Variants in INSRR observed in about 807,000 individuals in gnomAD.
INSRR encodes the protein insulin receptor related receptor.
In INSRR, 114 loss-of-function variants were observed where a neutral mutation model predicts 130.0. That is an observed-to-expected ratio of 0.88 (90% CI 0.75 to 1.02). The LOEUF is 1.02. INSRR is among the 50% of genes least tolerant of loss of function. INSRR has a pLI of 0.00. For synonymous variants in INSRR, 674 were observed against 705.2 expected, an observed-to-expected ratio of 0.96 and a Z score of 0.70; for missense variants, 1,657 against 1,735.2, an observed-to-expected ratio of 0.95 and a Z score of 0.80.
At position 156,844,843 on chromosome 1, in the gene INSRR, C is replaced by T; in HGVS notation, c.2438G>A (p.Arg813Lys). The change falls in exon 13 of 22, where the codon AGA becomes AAA. Residue 813 changes from arginine to lysine, a missense_variant and splice_region_variant. Transcript: ENST00000368195. ...CTTTCCTGGAATACCATCAGCCTCT[C>T]CTGCGGGAAGGGGCATCCAGCAGCC... ...TFVFARTMPH[R>K]EADGIPGKVA... 3 of 1,613,894 alleles carry T rather than the reference C, an allele frequency of 1.9e-6. No individual in the cohort carries two copies. The highest frequency in any genetic ancestry group is 8.5e-7 in the Non-Finnish European group (1 of 1,179,918).
Position 156,852,029 on chromosome 1 carries a change from T to C in INSRR, c.800A>G (p.Tyr267Cys). The C allele has an allele frequency of 6.2e-7, 1 of 1,613,474 alleles. No individual in the cohort carries two copies. The highest frequency in any genetic ancestry group is 8.5e-7 in the Non-Finnish European group (1 of 1,179,868). The change falls in exon 3 of 22, where the codon TAC (tyrosine) becomes TGC (cysteine). Residue 267 changes from tyrosine (Y) to cysteine (C), a missense_variant. Tyr to Cys is a radical substitution (Grantham distance 194, BLOSUM62 -2). Coordinates refer to ENST00000368195, the MANE Select transcript of INSRR (RefSeq NM_014215.3). ...ACLWACPPGT[Y>C]QYESWRCVTA... The stretch of plus-strand genomic sequence containing the variant: ...GACACAGCGCCAGGACTCATACTGG[T>C]AGGTGCCTGGCGGGCAGGCCCACAG...
intron 1 of INSRR, among the ~76,000 whole-genome samples, chr1:156,857,830 C>T (rs943550998): frequency 6.6e-6 from 1 of 152,214 alleles, no homozygotes; most frequent in African/African-American, 2.4e-5. Context: ...CTAATCCTTC[C>T]CTTTTTGAAG....
In INSRR at chr1:156,851,431, T is replaced by C; in HGVS notation, c.1088A>G (p.Asn363Ser). ...SLILNLRQGY[N>S]LEPQLQHSLG... The stretch of plus-strand genomic sequence containing the variant: ...GCTGTGCTGCAGCTGTGGCTCCAGG[T>C]TGTCTAGGGATGGGAAGACAGGGCT... Residue 363 changes from asparagine to serine, a missense_variant, in exon 5 of 22, where the codon AAC becomes AGC. By Grantham distance (46) the Asn-to-Ser change is conservative (BLOSUM62 1). Transcript: ENST00000368195. The C allele has an allele frequency of 3.7e-6, 6 of 1,614,044 alleles. No individual in the cohort carries two copies. The East Asian group carries it at 1.3e-4, about 36-fold the overall frequency.
At chr1:156,848,097 C>G (rs750920508) in intron 7 of INSRR, among the ~76,000 whole-genome samples, 1 of 151,586 alleles carries the variant, frequency 6.6e-6, no homozygotes, top group African/African-American at 2.4e-5. Context: ...CTGTATTTAA[C>G]AAACTCTCCA....
At chr1:156,852,665 G>T (rs1350312720) in intron 2 of INSRR, among the ~76,000 whole-genome samples, 1 of 152,234 alleles carries the variant, frequency 6.6e-6, no homozygotes, top group Non-Finnish European at 1.5e-5. Context: ...CCTGCCCTGG[G>T]CAGGAGGTGG....
In INSRR at chr1:156,843,427, T is replaced by C. The variant is rs1654875314; in HGVS notation, c.2896A>G (p.Met966Val). 2 of 1,613,972 alleles carry C rather than the reference T, an allele frequency of 1.2e-6. No homozygotes were observed. Among genetic ancestry groups the C allele is most frequent in the Admixed American group, 1.7e-5 (1 of 59,996 alleles). ...VNPEYFSASD[M>V]YVPDEWEVPR... is the part of the protein sequence containing the mutation. ...CCTGTCCACCCACTCCCAGACCTAC[T>C]ATCAGAGGCGCTGAAGTACTCTGGA... Residue 966 changes from methionine (M) to valine (V), a missense_variant and splice_region_variant, in exon 16 of 22, where the codon ATG becomes GTG. Physicochemically the swap from Met to Val is conservative, Grantham distance 21 (BLOSUM62 1). Coordinates refer to ENST00000368195, the MANE Select transcript of INSRR (RefSeq NM_014215.3).
chr1:156,852,283 G>A, intron 2 of INSRR, 92 bp from the exon 3 acceptor site: 1 of 1,293,442 alleles, frequency 7.7e-7, no homozygotes, highest in Non-Finnish European at 1.1e-6. Context: ...CTCTTGGGAT[G>A]ACACTCAATC....
rs1473513850 is a variant in INSRR, at chr1:156,842,136, G to A, written c.3373C>T (p.Gln1125Ter). ...DLAARNCMVS[Q>*]DFTVKIGDFG... The stretch of plus-strand genomic sequence containing the variant: ...CCCCCGATCTTGACGGTGAAGTCCT[G>A]GGACACCATGCAGTTGCGGGCTGCT... The change falls in exon 19 of 22, where the codon CAG becomes TAG. Residue 1125 changes from glutamine (Q) to a stop codon, truncating the protein, a stop_gained. Coordinates refer to ENST00000368195, the MANE Select transcript of INSRR (RefSeq NM_014215.3). LOFTEE classifies it high-confidence loss of function. 5.6e-6 allele frequency: 9 copies of A among 1,613,996 alleles called. No individual in the cohort carries two copies. The highest frequency in any genetic ancestry group is 1.7e-5 in the Admixed American group (1 of 60,016).
Position 156,852,208 on chromosome 1 carries a change from G to A in INSRR, c.638-17C>T, listed in dbSNP as rs142637725. 3.9e-4 allele frequency: 615 copies of A among 1,563,746 alleles called. 1 individual carries two copies. In the African/African-American group the frequency reaches 6.0e-3, roughly 15 times the overall value. ...AGGGGCACACTGTGGGGAGAGTGGT[G>A]TGTTAGACGTTGGCCATGCCCCCTC... is the stretch of plus-strand genomic sequence containing the variant. On this transcript the variant is annotated splice_polypyrimidine_tract_variant and intron_variant, in intron 2 of 21. Coordinates refer to ENST00000368195, the MANE Select transcript of INSRR (RefSeq NM_014215.3).
In INSRR at chr1:156,858,855, G is replaced by T. The variant is rs994438843; in HGVS notation, c.-234C>A. ...TTGGAGACAGAGAGACTCAGCATGA[G>T]ATTGAGAGATGGGGACAGAGATGCA... is the stretch of plus-strand genomic sequence containing the variant. On this transcript the variant is annotated 5_prime_UTR_variant, in exon 1 of 22. Coordinates refer to ENST00000368195, the MANE Select transcript of INSRR (RefSeq NM_014215.3). 2 of 569,008 alleles carry T rather than the reference G, an allele frequency of 3.5e-6. No individual in the cohort carries two copies. The highest frequency in any genetic ancestry group is 3.7e-5 in the African/African-American group (2 of 53,360). 35.2% of individuals were successfully genotyped at this position (569,008 alleles called of 1,614,324 possible). A position where few individuals can be genotyped will look rare whatever the true frequency, so the allele number is the denominator to read the frequency against.
chr1:156,842,338 C>T (rs1654830293), intron 18 of INSRR, 60 bp downstream of exon 18: 3 of 1,612,900 alleles, frequency 1.9e-6, no homozygotes, highest in African/African-American at 1.3e-5. Flanking sequence ...AGAACTGGCC[C>T]CCACCTCCCA....
chr1:156,849,473 AG>A lies in INSRR; in HGVS notation c.1230-14del. The A allele has an allele frequency of 5.3e-6, 4 of 754,382 alleles. No homozygotes were observed. The highest frequency in any genetic ancestry group is 3.6e-6 in the Non-Finnish European group (2 of 550,820). The allele number at this position is 754,382 out of a possible 1,614,324, so 46.7% of individuals were successfully genotyped here. A position where few individuals can be genotyped will look rare whatever the true frequency, so the allele number is the denominator to read the frequency against. ...GAGAGTGTAGTTCCTGGGGGAGGCC[AG>A]GGGACCTTGCTCTGCGGGGAGGTGG... is the stretch of plus-strand genomic sequence containing the variant. On this transcript the variant is annotated splice_polypyrimidine_tract_variant and intron_variant, in intron 5 of 21. Coordinates refer to ENST00000368195, the MANE Select transcript of INSRR (RefSeq NM_014215.3).
chr1:156,842,223 C>G lies in INSRR; in HGVS notation c.3286G>C (p.Ala1096Pro). 6.2e-7 allele frequency: 1 copy of G among 1,614,066 alleles called. No homozygotes were observed. The highest frequency in any genetic ancestry group is 8.5e-7 in the Non-Finnish European group (1 of 1,180,006). Residue 1096 changes from alanine (A) to proline (P), a missense_variant, in exon 19 of 22, where the codon GCT becomes CCT. Transcript: ENST00000368195. ...GCCATGCCGTCTGCAATCTCACCAGCCATTTGGATCATTTCCCCCAATGCT... is the reference window on the plus strand; with the variant it reads ...GCCATGCCGTCTGCAATCTCACCAGGCATTTGGATCATTTCCCCCAATGCT... ...QPALGEMIQM[A>P]GEIADGMAYL...
intron 7 of INSRR, among the ~76,000 whole-genome samples, chr1:156,847,140 G>A (rs1303880288): frequency 1.3e-5 from 2 of 152,240 alleles, no homozygotes; most frequent in African/African-American, 4.8e-5. Flanking sequence ...ACGAGGAACA[G>A]GAGACTGCTC....
Position 156,840,905 on chromosome 1 carries a change from A to C in INSRR, c.3862T>G (p.Cys1288Gly). The C allele has an allele frequency of 6.2e-7, 1 of 1,613,950 alleles. No homozygotes were observed. ...EPDSSPTPRD[C>G]SPQNGGPGH ...CCTGGACCCCCATTTTGAGGGCTGC[A>C]GTCTCTTGGAGTGGGTGAGGAGTCA... Residue 1288 changes from cysteine to glycine, a missense_variant, in exon 22 of 22, where the codon TGC becomes GGC. Transcript: ENST00000368195.
In INSRR at chr1:156,844,454, G is replaced by C. The variant is rs1399063216; in HGVS notation, c.2737+8C>G. The C allele has an allele frequency of 1.2e-6, 2 of 1,612,476 alleles. No individual in the cohort carries two copies. The highest frequency in any genetic ancestry group is 1.3e-5 in the African/African-American group (1 of 74,908). On this transcript the variant is annotated splice_region_variant and intron_variant, in intron 14 of 21. Coordinates refer to ENST00000368195, the MANE Select transcript of INSRR (RefSeq NM_014215.3). ...GTGATACAGGTCTGTGACAGAGGCT[G>C]TGTATACCTGGGCCAAGGATGTAGA...
At chr1:156,847,480 A>G (rs954398198) in intron 7 of INSRR, among the ~76,000 whole-genome samples, 3 of 152,180 alleles carry the variant, frequency 2.0e-5, no homozygotes, top group Non-Finnish European at 4.4e-5. Flanking sequence ...CATGGGAGAC[A>G]ATGGAACATC....
Position 156,845,733 on chromosome 1 carries a change from C to A in INSRR, c.2060G>T (p.Cys687Phe), listed in dbSNP as rs1475710550. 1.9e-6 allele frequency: 3 copies of A among 1,613,742 alleles called. No homozygotes were observed. Among genetic ancestry groups the A allele is most frequent in the Non-Finnish European group, 2.5e-6 (3 of 1,179,938 alleles). ...AGGAGGTGGGTGCTGGCAAGGGCAG[C>A]AGTCGGACTCCATCTCGGCCTCAGG... ...GDPEAEMESDCCPCQHPPPGQ... is the reference protein window; with the variant it reads ...GDPEAEMESDFCPCQHPPPGQ... Residue 687 changes from cysteine to phenylalanine, a missense_variant, in exon 10 of 22, where the codon TGC (cysteine) becomes TTC (phenylalanine). By Grantham distance (205) the Cys-to-Phe change is radical. Coordinates refer to ENST00000368195, the MANE Select transcript of INSRR (RefSeq NM_014215.3).
Position 156,843,492 on chromosome 1 carries a change from G to A in INSRR, c.2844-13C>T. ...CAGGGTTCTGTTTCTGCAACGGGAG[G>A]TGAGGGGGTCAGGCTGGAAGGGTTC... is the stretch of plus-strand genomic sequence containing the variant. On this transcript the variant is annotated splice_polypyrimidine_tract_variant and intron_variant, in intron 15 of 21. Coordinates refer to ENST00000368195, the MANE Select transcript of INSRR (RefSeq NM_014215.3). 5 of 1,614,116 alleles carry A rather than the reference G, an allele frequency of 3.1e-6. No homozygotes were observed. The highest frequency in any genetic ancestry group is 2.2e-5 in the East Asian group (1 of 44,882).
Sources: allele counts gnomAD v4.1 joint callset (sites outside exome capture counted in the v4.1 genomes callset), GRCh38; gene constraint gnomAD v4.1.1; transcripts MANE v1.5; gene names NCBI Gene and HGNC (gene_info 2026-07-23, HGNC 2026-07-21).